The following GANC variants were observed in gnomAD, a reference collection of about 807,000 sequenced individuals.
The protein encoded by GANC is neutral alpha-glucosidase C.
GANC carries 117 observed loss-of-function variants against 124.2 expected under a neutral mutation model. The observed-to-expected ratio is 0.94, with a 90% CI of 0.81 to 1.10. The LOEUF (loss-of-function observed/expected upper bound fraction) is 1.10, where lower values mean the gene tolerates loss of function less well. Ranked by LOEUF, GANC falls within the 50% of genes least tolerant of loss-of-function variation. The pLI, the probability that GANC is intolerant of heterozygous loss-of-function variation, is 0.00. For synonymous variants in GANC, 377 were observed against 376.8 expected (o/e 1.00, Z -0.01); for missense variants, 1,140 against 1,095.0 (o/e 1.04, Z -0.58).
chr15:42,314,262 G>A, intron 10 of GANC: 1 of 669,920 alleles, frequency 1.5e-6, no homozygotes, highest in South Asian at 1.7e-5. Context: ...GGAATTTAAA[G>A]CCTGATGAGG....
chr15:42,286,702 A>G (rs986891686), intron 3 of GANC, among the ~76,000 whole-genome samples: 8 of 152,194 alleles, frequency 5.3e-5, no homozygotes, highest in Non-Finnish European at 2.9e-5. Flanking sequence ...GCAAGAGGCA[A>G]AGTTCCAGTA....
rs976883427 is a variant in GANC at position 42,353,453 on chromosome 15, C to G, written c.*1314C>G. On this transcript the variant is annotated 3_prime_UTR_variant, in exon 24 of 24. Coordinates refer to ENST00000318010, the MANE Select transcript of GANC (RefSeq NM_198141.3). The stretch of plus-strand genomic sequence containing the variant: ...TTTTGCCCTTCCCCGTAATGCTGTC[C>G]CACTTATAACTGTGCTCTACTTAGC... The G allele has an allele frequency of 4.3e-6, 4 of 925,600 alleles. No homozygotes were observed. The highest frequency in any genetic ancestry group is 5.6e-4 in the Middle Eastern group (1 of 1,780). The allele number at this position is 925,600 out of a possible 1,614,324, so 57.3% of individuals were successfully genotyped here. A position where few individuals can be genotyped will look rare whatever the true frequency, so the allele number is the denominator to read the frequency against.
Position 42,335,710 on chromosome 15 carries a change from A to G in GANC, c.1742-2679A>G, listed in dbSNP as rs984148992. 5.9e-5 allele frequency among the ~76,000 whole-genome samples: 9 copies of G among 152,330 alleles called. 2 individuals carry two copies. In the South Asian group the frequency reaches 1.5e-3, roughly 25 times the overall value. ...ATTTGCAGATGACATGACTCTGTCT[A>G]GAAAACCCCATAGTCTCAGCCCAAA... On this transcript the variant is annotated intron_variant, in intron 15 of 23. Coordinates refer to ENST00000318010, the MANE Select transcript of GANC (RefSeq NM_198141.3).
chr15:42,330,426 A>G, intron 14 of GANC, 150 bp from the exon 15 acceptor site: 3 of 580,584 alleles, frequency 5.2e-6, no homozygotes, highest in Non-Finnish European at 8.9e-6. Context: ...TAATTTCATT[A>G]TACCATGAAA....
At chr15:42,314,203 C>T in intron 10 of GANC, 1 of 754,590 alleles carries the variant, frequency 1.3e-6, no homozygotes, top group Admixed American at 1.7e-5. Flanking sequence ...AAATATTCCC[C>T]ACAAGGAGTT....
In GANC at chr15:42,321,849, T is replaced by A. The variant is rs762579683; in HGVS notation, c.1122T>A (p.Asp374Glu). ...ACCAGTGCCGCTGGAACTATGAAGA[T>A]GAGCAGGATGTAAAAGCAGTGGATG... ...GYHQCRWNYE[D>E]EQDVKAVDAG... The change falls in exon 11 of 24, where the codon GAT becomes GAA. Residue 374 changes from aspartate (D) to glutamate (E), a missense_variant. Physicochemically the swap from Asp to Glu is conservative, Grantham distance 45 (BLOSUM62 2). Transcript: ENST00000318010. 18 of 1,614,212 alleles carry A rather than the reference T, an allele frequency of 1.1e-5. No homozygotes were observed. In the South Asian group the frequency reaches 1.8e-4, roughly 16 times the overall value.
rs775841862 is a variant in GANC at position 42,326,357 on chromosome 15, G to A, written c.1353G>A (p.Lys451=). The change falls in exon 12 of 24, where the codon AAG becomes AAA. Residue 451 remains lysine (K), a synonymous_variant. Transcript: ENST00000318010. ...ATCCTGACTACTCAGTATATGTGAA[G>A]GCCAAAGATCAGGGCTTCTTTGTGA... is the stretch of plus-strand genomic sequence containing the variant. ...KIDPDYSVYV[K]AKDQGFFVKN... The A allele has an allele frequency of 9.9e-6, 16 of 1,614,002 alleles. No individual in the cohort carries two copies. Among genetic ancestry groups the A allele is most frequent in the Non-Finnish European group, 1.4e-5 (16 of 1,180,008 alleles).
intron 22 of GANC, among the ~76,000 whole-genome samples, chr15:42,350,598 G>A (rs1213445319): frequency 1.4e-5 from 2 of 147,044 alleles, no homozygotes; most frequent in South Asian, 4.3e-4. Flanking sequence ...TGTCGCCCAG[G>A]CTGGAGTGCA....
chr15:42,327,939 A>G (rs546364473), intron 13 of GANC, among the ~76,000 whole-genome samples: 1 of 152,342 alleles, frequency 6.6e-6, no homozygotes, highest in East Asian at 1.9e-4. Context: ...TGATGATGAT[A>G]CCTAATGCAA....
At chr15:42,306,412 A>T (rs1252370004) in intron 6 of GANC, 134 bp from the exon 7 acceptor site, 1 of 673,872 alleles carries the variant, frequency 1.5e-6, no homozygotes, top group African/African-American at 1.8e-5. Flanking sequence ...TACTGACGTC[A>T]CACACTGGTC....
At chr15:42,327,551 A>G (rs2141062006) in intron 13 of GANC, 109 bp downstream of exon 13, 1 of 926,362 alleles carries the variant, frequency 1.1e-6, no homozygotes, top group East Asian at 2.5e-5. Flanking sequence ...TTGATATATA[A>G]TGCTTTTATT....
At chr15:42,325,053 CAGG>C (rs1429115713) in intron 11 of GANC, among the ~76,000 whole-genome samples, 1 of 151,152 alleles carries the variant, frequency 6.6e-6, no homozygotes, top group East Asian at 1.9e-4. Context: ...CACCTGAGGT[CAGG>C]AGTTCGAGAT....
intron 12 of GANC, 103 bp from the exon 13 acceptor site, chr15:42,327,260 A>G: frequency 2.6e-6 from 2 of 782,936 alleles, no homozygotes; most frequent in Non-Finnish European, 4.1e-6. Flanking sequence ...TGTTTATGTA[A>G]GGTGCCCATT....
chr15:42,336,206 G>A (rs1384848420), intron 15 of GANC, among the ~76,000 whole-genome samples: 2 of 150,910 alleles, frequency 1.3e-5, no homozygotes, highest in African/African-American at 4.9e-5. Context: ...AACAAAGCAG[G>A]AGGCAATATG....
chr15:42,293,533 T>TTTTTTTTTTTTTTTTTTTTTTTTTTTTG (rs1566951286), intron 5 of GANC, among the ~76,000 whole-genome samples: 2 of 151,904 alleles, frequency 1.3e-5, no homozygotes, highest in African/African-American at 4.9e-5. Flanking sequence ...CATTTCTGTT[T>TTTTTTTTTTTTTTTTTTTTTTTTTTTTG]TAAAATTTTG....
chr15:42,306,675 C>T lies in GANC; in HGVS notation c.625+63C>T, dbSNP rs2051999742. ...TCTAAAAATGTCTACATAATTCTAT[C>T]AAAAAGCCCCTTGATCTCTGGCACC... On this transcript the variant is annotated intron_variant, in intron 7 of 23. Coordinates refer to ENST00000318010, the MANE Select transcript of GANC (RefSeq NM_198141.3). 5 of 1,149,060 alleles carry T rather than the reference C, an allele frequency of 4.4e-6. No individual in the cohort carries two copies. The South Asian group carries it at 7.7e-5, about 18-fold the overall frequency. 71.2% of individuals were successfully genotyped at this position (1,149,060 alleles called of 1,614,324 possible).
intron 3 of GANC, among the ~76,000 whole-genome samples, chr15:42,280,083 T>G (rs1291504642): frequency 6.6e-6 from 1 of 152,158 alleles, no homozygotes; most frequent in Non-Finnish European, 1.5e-5. Flanking sequence ...ATATCAACAG[T>G]TCTGTGTTCT....
chr15:42,351,692 G>A (rs1337886288), intron 23 of GANC, among the ~76,000 whole-genome samples: 1 of 152,146 alleles, frequency 6.6e-6, no homozygotes, highest in African/African-American at 2.4e-5. Flanking sequence ...CTGAATATTT[G>A]TTTAAACTAT....
chr15:42,277,064 A>G (rs1378837643), intron 2 of GANC, among the ~76,000 whole-genome samples: 1 of 152,198 alleles, frequency 6.6e-6, no homozygotes, highest in Admixed American at 6.5e-5. Context: ...AAATAGCACT[A>G]CCACAATGAA....
Sources: gnomAD v4.1 joint callset for allele counts (sites outside exome capture counted in the v4.1 genomes callset) on GRCh38, gnomAD v4.1.1 for gene constraint, MANE v1.5 for transcripts, NCBI Gene and HGNC (gene_info 2026-07-23, HGNC 2026-07-21) for gene names.